The following ADGRG3 variants were observed in gnomAD, a reference collection of about 807,000 sequenced individuals.
The protein encoded by ADGRG3 is adhesion G protein-coupled receptor G3.
A neutral mutation model predicts 54.3 loss-of-function variants in ADGRG3; 39 were observed. The observed-to-expected ratio is 0.72, with a 90% CI of 0.56 to 0.94. ADGRG3 has a LOEUF of 0.94. Among genes scored for constraint, ADGRG3 ranks in the 40% least tolerant of loss-of-function variants. The pLI, the probability that ADGRG3 is intolerant of heterozygous loss-of-function variation, is 0.00. For missense variants in ADGRG3, 654 were observed against 694.6 expected (o/e 0.94, Z 0.66); for synonymous variants, 312 against 290.0 (o/e 1.08, Z -0.77).
Position 57,669,462 on chromosome 16 carries a change from T to C in ADGRG3, c.58+1057T>C, listed in dbSNP as rs150906277. On this transcript the variant is annotated intron_variant, in intron 1 of 11. Transcript: ENST00000333493. Reference sequence around the variant, plus strand: ...ATAGATGAATGAACGGAGCCACCGATGGCAGCTGTGACCAGGGCTCATGGG... The same window carrying C: ...ATAGATGAATGAACGGAGCCACCGACGGCAGCTGTGACCAGGGCTCATGGG... Among the ~76,000 whole-genome samples, 992 of 152,288 alleles carry C rather than the reference T, an allele frequency of 6.5e-3. 4 individuals are homozygous for C. The highest frequency in any genetic ancestry group is 0.01 in the Admixed American group (159 of 15,308).
intron 8 of ADGRG3, chr16:57,682,403 C>A: frequency 1.3e-6 from 1 of 799,128 alleles, no homozygotes; most frequent in Non-Finnish European, 1.5e-6. Flanking sequence ...TGGCCCTAGG[C>A]TGCAGCCCCA....
intron 3 of ADGRG3, among the ~76,000 whole-genome samples, chr16:57,677,357 C>T (rs1448802389): frequency 5.9e-5 from 9 of 152,084 alleles, no homozygotes; most frequent in Non-Finnish European, 8.8e-5. Context: ...CCAAGGCGGA[C>T]GGATCATCTG....
chr16:57,682,186 G>A (rs879877119), intron 8 of ADGRG3, among the ~76,000 whole-genome samples: 3 of 152,210 alleles, frequency 2.0e-5, no homozygotes, highest in Non-Finnish European at 4.4e-5. Context: ...ACAGCAGAGA[G>A]CACTGCAGCC....
intron 8 of ADGRG3, among the ~76,000 whole-genome samples, chr16:57,683,613 C>T (rs1232993326): frequency 6.6e-6 from 1 of 152,198 alleles, no homozygotes; most frequent in Non-Finnish European, 1.5e-5. Context: ...GCCCTTTATC[C>T]AACTTTTAAT....
At position 57,678,205 on chromosome 16, in the gene ADGRG3, C is replaced by T. The variant is rs1406423753; in HGVS notation, c.381C>T (p.Pro127=). Reference sequence around the variant, plus strand: ...AGGTGATGAAGGACGAGGACAAGCCCCCTGACAGAGTGCGACTTCCCAAGA... The same window carrying T: ...AGGTGATGAAGGACGAGGACAAGCCTCCTGACAGAGTGCGACTTCCCAAGA... The part of the protein sequence containing the change: ...PRQVMKDEDK[P]PDRVRLPKSL... Residue 127 remains proline, a synonymous_variant, in exon 4 of 12, where the codon CCC becomes CCT. Transcript: ENST00000333493. 1.2e-6 allele frequency: 2 copies of T among 1,614,084 alleles called. No individual in the cohort carries two copies. Among genetic ancestry groups the T allele is most frequent in the Non-Finnish European group, 1.7e-6 (2 of 1,180,018 alleles).
chr16:57,679,886 G>C, intron 6 of ADGRG3, 31 bp downstream of exon 6: 1 of 1,561,438 alleles, frequency 6.4e-7, no homozygotes. Flanking sequence ...TCTGGGGTAA[G>C]ACAGGAAGGG....
At chr16:57,676,423 T>C in intron 3 of ADGRG3, 85 bp downstream of exon 3, 2 of 1,291,308 alleles carry the variant, frequency 1.5e-6, no homozygotes. Flanking sequence ...AGTTATATCC[T>C]GTGATATAAC....
upstream of ADGRG3, among the ~76,000 whole-genome samples, chr16:57,666,695 C>G (rs539156342): frequency 8.5e-4 from 129 of 152,226 alleles, no homozygotes; most frequent in African/African-American, 2.9e-3. Context: ...GTCCCTGGTC[C>G]CCAGGGGGCG....
In ADGRG3 at chr16:57,685,942, C is replaced by T. The variant is rs775926394; in HGVS notation, c.1540+16C>T. ...TCCTTGCAAGGTGAGGCCCCTGCAC[C>T]AGGGAGGTGATGGGCTGTGTTGTCT... On this transcript the variant is annotated intron_variant, in intron 11 of 11. Transcript: ENST00000333493. The T allele has an allele frequency of 1.2e-6, 2 of 1,611,222 alleles. No individual in the cohort carries two copies.
At chr16:57,677,256 C>T (rs1359535652) in intron 3 of ADGRG3, among the ~76,000 whole-genome samples, 4 of 152,116 alleles carry the variant, frequency 2.6e-5, no homozygotes, top group Admixed American at 6.5e-5. Context: ...GGCTGTAGCC[C>T]TTAGGGGAAC....
chr16:57,674,084 A>G (rs1315294350), intron 2 of ADGRG3, among the ~76,000 whole-genome samples: 1 of 152,136 alleles, frequency 6.6e-6, no homozygotes, highest in Non-Finnish European at 1.5e-5. Context: ...GACATATTTT[A>G]AGCGCAGGGA....
chr16:57,687,001 A>G (rs541457960), intron 11 of ADGRG3, among the ~76,000 whole-genome samples: 2 of 152,334 alleles, frequency 1.3e-5, no homozygotes, highest in East Asian at 3.9e-4. Context: ...GAAACAGCCA[A>G]GACAGGAGTG....
At chr16:57,677,353 C>A (rs1253470423) in intron 3 of ADGRG3, among the ~76,000 whole-genome samples, 1 of 152,104 alleles carries the variant, frequency 6.6e-6, no homozygotes, top group Non-Finnish European at 1.5e-5. Context: ...GAGGCCAAGG[C>A]GGACGGATCA....
upstream of ADGRG3, among the ~76,000 whole-genome samples, chr16:57,666,975 C>T (rs1378759507): frequency 3.9e-5 from 6 of 152,216 alleles, no homozygotes; most frequent in Non-Finnish European, 4.4e-5. Context: ...TGCAGATCTT[C>T]CAGGAGAAGG....
chr16:57,674,896 T>C (rs953697591), intron 2 of ADGRG3, among the ~76,000 whole-genome samples: 5 of 143,900 alleles, frequency 3.5e-5, no homozygotes. Flanking sequence ...CTCGGGAGGC[T>C]GAGGTGGGAG....
chr16:57,686,071 A>G (rs2048468098), intron 11 of ADGRG3, 145 bp downstream of exon 11: 1 of 851,008 alleles, frequency 1.2e-6, no homozygotes, highest in Admixed American at 2.4e-5. Flanking sequence ...TACTCAGAGC[A>G]AGGATCCAGG....
intron 10 of ADGRG3, among the ~76,000 whole-genome samples, chr16:57,685,163 C>T (rs1157663356): frequency 6.6e-6 from 1 of 152,190 alleles, no homozygotes; most frequent in East Asian, 1.9e-4. Flanking sequence ...CTGGTGAGGC[C>T]TTGGACCTGT....
At chr16:57,676,781 C>T (rs943266565) in intron 3 of ADGRG3, among the ~76,000 whole-genome samples, 1 of 152,204 alleles carries the variant, frequency 6.6e-6, no homozygotes, top group Non-Finnish European at 1.5e-5. Context: ...AGGAGGATGG[C>T]TTGAGGCCAG....
rs2048428845 is a variant in ADGRG3, at chr16:57,684,219, G to T, written c.1162+7G>T. 2 of 1,610,412 alleles carry T rather than the reference G, an allele frequency of 1.2e-6. No individual in the cohort carries two copies. Among genetic ancestry groups the T allele is most frequent in the East Asian group, 4.5e-5 (2 of 44,840 alleles). On this transcript the variant is annotated splice_region_variant and intron_variant, in intron 9 of 11. Coordinates refer to ENST00000333493, the MANE Select transcript of ADGRG3 (RefSeq NM_170776.5). ...CTGAGCCTGGTGGGCTGGGGTAGGT[G>T]CTGCCTGGATGGACAGAATAAACGG...
Sources: allele counts gnomAD v4.1 joint callset (sites outside exome capture counted in the v4.1 genomes callset), GRCh38; gene constraint gnomAD v4.1.1; transcripts MANE v1.5; gene names NCBI Gene and HGNC (gene_info 2026-07-23, HGNC 2026-07-21).